SIPA1L1: variants seen among roughly 807,000 people sequenced by gnomAD.
The protein encoded by SIPA1L1 is signal induced proliferation associated 1 like 1.
SIPA1L1 carries 26 observed loss-of-function variants against 162.7 expected under a neutral mutation model. That is an observed-to-expected ratio of 0.16 (90% confidence interval 0.12 to 0.22). The LOEUF (loss-of-function observed/expected upper bound fraction) is 0.22, where lower values mean the gene tolerates loss of function less well. Among genes scored for constraint, SIPA1L1 ranks in the 10% least tolerant of loss-of-function variants. The probability of loss-of-function intolerance (pLI) is 1.00; values close to 1 mark genes in which losing one functional copy is unlikely to be tolerated. For synonymous variants in SIPA1L1, 829 were observed against 837.4 expected (o/e 0.99, Z 0.17); for missense variants, 1,874 against 2,241.0 (o/e 0.84, Z 3.31).
chr14:71,729,964 A>C, intron 19 of SIPA1L1, 91 bp from the exon 20 acceptor site: 3 of 1,384,674 alleles, frequency 2.2e-6, no homozygotes, highest in Non-Finnish European at 3.0e-6. Flanking sequence ...TGTCTGGAGC[A>C]GTAACTTGGT....
intron 2 of SIPA1L1, among the ~76,000 whole-genome samples, chr14:71,385,622 ATAT>A (rs1451038305): frequency 1.3e-5 from 2 of 151,812 alleles, no homozygotes; most frequent in African/African-American, 2.4e-5. Context: ...TTTATGTGAA[ATAT>A]TATCTCAACA....
At chr14:71,365,242 G>A (rs555262363) in intron 2 of SIPA1L1, among the ~76,000 whole-genome samples, 1 of 151,958 alleles carries the variant, frequency 6.6e-6, no homozygotes, top group South Asian at 2.1e-4. Flanking sequence ...TTGAACTCCT[G>A]GGCTCAAGCA....
At chr14:71,698,027 G>A (rs187354100) in intron 13 of SIPA1L1, among the ~76,000 whole-genome samples, 1 of 152,196 alleles carries the variant, frequency 6.6e-6, no homozygotes, top group African/African-American at 2.4e-5. Context: ...GACCTGACTT[G>A]TTGTGAACTT....
intron 4 of SIPA1L1, chr14:71,586,159 C>T (rs1051064742): frequency 6.6e-6 from 1 of 151,790 alleles, no homozygotes; most frequent in South Asian, 2.1e-4. Flanking sequence ...CTGAATGGCT[C>T]CACAGACTCA....
At chr14:71,514,455 C>T (rs372374222) in intron 3 of SIPA1L1, among the ~76,000 whole-genome samples, 14 of 152,144 alleles carry the variant, frequency 9.2e-5, no homozygotes, top group East Asian at 3.9e-4. Flanking sequence ...ATTCACCCAC[C>T]CATTGAGAAC....
chr14:71,732,557 C>A (rs961643376), intron 20 of SIPA1L1, among the ~76,000 whole-genome samples: 5 of 152,166 alleles, frequency 3.3e-5, no homozygotes, highest in African/African-American at 1.2e-4. Flanking sequence ...GCCCAGTCCT[C>A]CCTGCCAAGC....
At chr14:71,535,590 T>C (rs2053823738) in intron 4 of SIPA1L1, among the ~76,000 whole-genome samples, 1 of 151,666 alleles carries the variant, frequency 6.6e-6, no homozygotes, top group African/African-American at 2.4e-5. Context: ...AATGTCAGAA[T>C]CCCTCCTAGG....
intron 2 of SIPA1L1, among the ~76,000 whole-genome samples, chr14:71,371,040 A>T (rs1019401025): frequency 6.6e-6 from 1 of 152,176 alleles, no homozygotes; most frequent in Admixed American, 6.5e-5. Context: ...GAAAAAGGCC[A>T]CTAAATGGGG....
chr14:71,326,080 T>A (rs1159521269), intron 2 of SIPA1L1, among the ~76,000 whole-genome samples: 1 of 152,206 alleles, frequency 6.6e-6, no homozygotes, highest in Non-Finnish European at 1.5e-5. Context: ...AGGTCTAGGT[T>A]AAATGAATTT....
chr14:71,645,571 C>G (rs981533450), intron 7 of SIPA1L1, among the ~76,000 whole-genome samples: 1 of 152,164 alleles, frequency 6.6e-6, no homozygotes, highest in Non-Finnish European at 1.5e-5. Context: ...ACTCAAGTGT[C>G]TAGATTTAAT....
At chr14:71,679,007 A>G (rs1295371842) in intron 12 of SIPA1L1, among the ~76,000 whole-genome samples, 5 of 152,024 alleles carry the variant, frequency 3.3e-5, no homozygotes, top group Non-Finnish European at 7.4e-5. Context: ...GTTGGAAAAC[A>G]CTCTTCAGGA....
chr14:71,353,730 G>A (rs1323361063), intron 2 of SIPA1L1, among the ~76,000 whole-genome samples: 2 of 152,034 alleles, frequency 1.3e-5, no homozygotes, highest in East Asian at 3.9e-4. Context: ...TGAAGCTGAA[G>A]GATATACTCA....
chr14:71,384,675 A>G (rs1595143939), intron 2 of SIPA1L1, among the ~76,000 whole-genome samples: 1 of 152,240 alleles, frequency 6.6e-6, no homozygotes, highest in African/African-American at 2.4e-5. Context: ...CAAATACTCA[A>G]CATGCCTTTT....
intron 2 of SIPA1L1, among the ~76,000 whole-genome samples, chr14:71,447,896 A>G (rs1261883952): frequency 1.3e-5 from 2 of 152,098 alleles, no homozygotes; most frequent in African/African-American, 2.4e-5. Context: ...TTAGAGTGGT[A>G]TCCAGAATAT....
chr14:71,611,223 C>T (rs1361864309), intron 5 of SIPA1L1, among the ~76,000 whole-genome samples: 3 of 152,078 alleles, frequency 2.0e-5, no homozygotes, highest in Admixed American at 2.0e-4. Flanking sequence ...CCTGTGTTTC[C>T]TTTTAACAAG....
chr14:71,351,716 T>C (rs1344645458), intron 2 of SIPA1L1, among the ~76,000 whole-genome samples: 1 of 152,242 alleles, frequency 6.6e-6, no homozygotes, highest in Non-Finnish European at 1.5e-5. Flanking sequence ...ACAACCAACT[T>C]ATTGTTTAAA....
In SIPA1L1 at chr14:71,705,310, G is replaced by A; in HGVS notation, c.3735G>A (p.Val1245=). ...GGAGATTAATGCGGCAGGATCCAGT[G>A]GTTCATTTGTCTCCAAACAAACAAG... The part of the protein sequence containing the change: ...PSGRLMRQDP[V]VHLSPNKQGH... Residue 1245 remains valine (V), a synonymous_variant, in exon 16 of 24, where the codon GTG becomes GTA. Transcript: ENST00000381232. 6.2e-7 allele frequency: 1 copy of A among 1,614,022 alleles called. No individual in the cohort carries two copies. The highest frequency in any genetic ancestry group is 8.5e-7 in the Non-Finnish European group (1 of 1,179,908).
intron 2 of SIPA1L1, among the ~76,000 whole-genome samples, chr14:71,433,998 C>G (rs569816342): frequency 6.6e-6 from 1 of 152,346 alleles, no homozygotes; most frequent in East Asian, 1.9e-4. Context: ...TACTTCACTT[C>G]TCTTTGTCCT....
At chr14:71,354,365 C>A (rs1396119041) in intron 2 of SIPA1L1, among the ~76,000 whole-genome samples, 1 of 150,850 alleles carries the variant, frequency 6.6e-6, no homozygotes, top group Non-Finnish European at 1.5e-5. Context: ...GGAATCTCTG[C>A]CTCCCAGGTT....
Sources: allele counts gnomAD v4.1 joint callset (sites outside exome capture counted in the v4.1 genomes callset), GRCh38; gene constraint gnomAD v4.1.1; transcripts MANE v1.5; gene names NCBI Gene and HGNC (gene_info 2026-07-23, HGNC 2026-07-21).